Variants in SMIM14 observed in about 807,000 individuals in gnomAD.
The protein encoded by SMIM14 is small integral membrane protein 14, also known as chromosome 4 open reading frame 34.
In SMIM14, 5 loss-of-function variants were observed where a neutral mutation model predicts 12.6. The ratio of observed to expected loss-of-function variants is 0.40; its 90% confidence interval spans 0.21 to 0.83. SMIM14 has a LOEUF of 0.83. Among genes scored for constraint, SMIM14 ranks in the 40% least tolerant of loss-of-function variants. The pLI, the probability that SMIM14 is intolerant of heterozygous loss-of-function variation, is 0.37. For missense variants in SMIM14, 86 were observed against 119.1 expected (o/e 0.72, Z 1.29); for synonymous variants, 30 against 40.1 (o/e 0.75, Z 0.95).
At chr4:39,623,474 T>C (rs1007103780) in intron 1 of SMIM14, among the ~76,000 whole-genome samples, 1 of 152,240 alleles carries the variant, frequency 6.6e-6, no homozygotes, top group African/African-American at 2.4e-5. Flanking sequence ...TCTTTTATTG[T>C]GATTTTAAAG....
intron 2 of SMIM14, among the ~76,000 whole-genome samples, chr4:39,574,593 A>G (rs770219432): frequency 1.3e-5 from 2 of 152,126 alleles, no homozygotes; most frequent in Non-Finnish European, 2.9e-5. Context: ...TAACACCTCT[A>G]AGCTTCAGTT....
intron 2 of SMIM14, among the ~76,000 whole-genome samples, chr4:39,585,983 T>C (rs1482818807): frequency 6.6e-6 from 1 of 152,114 alleles, no homozygotes; most frequent in Non-Finnish European, 1.5e-5. Flanking sequence ...CTCTACGGTC[T>C]TGTCCTGTAA....
chr4:39,560,003 T>A (rs1578311401), intron 3 of SMIM14, among the ~76,000 whole-genome samples: 1 of 149,748 alleles, frequency 6.7e-6, no homozygotes, highest in South Asian at 2.1e-4. Flanking sequence ...GTGCCTGCGG[T>A]CCCAGCTACT....
chr4:39,606,427 G>A (rs965364358), intron 1 of SMIM14, among the ~76,000 whole-genome samples: 1 of 152,016 alleles, frequency 6.6e-6, no homozygotes, highest in East Asian at 1.9e-4. Context: ...TGGATCACAA[G>A]GTCAGGAGAT....
intron 2 of SMIM14, among the ~76,000 whole-genome samples, chr4:39,592,020 C>T (rs368233687): frequency 8.5e-4 from 123 of 145,012 alleles, no homozygotes; most frequent in African/African-American, 3.1e-3. Context: ...CAGTGAGACC[C>T]CATCTCTACA....
Position 39,572,441 on chromosome 4 carries a change from C to T in SMIM14, c.98G>A (p.Cys33Tyr), listed in dbSNP as rs748400883. The change falls in exon 3 of 5, where the codon TGC becomes TAC. Residue 33 changes from cysteine (C) to tyrosine (Y), a missense_variant. Cys to Tyr is a radical substitution (Grantham distance 194). Coordinates refer to ENST00000295958, the MANE Select transcript of SMIM14 (RefSeq NM_174921.3). The part of the protein sequence containing the change: ...INLLRQSQSY[C>Y]TDTECLQELP... ...TTCCTGAAGACACTCTGTGTCTGTGCAGTAGGACTGGGACTGCCGTAACTA... is the reference window on the plus strand; with the variant it reads ...TTCCTGAAGACACTCTGTGTCTGTGTAGTAGGACTGGGACTGCCGTAACTA... 6.2e-7 allele frequency: 1 copy of T among 1,611,356 alleles called. No homozygotes were observed. The highest frequency in any genetic ancestry group is 1.7e-5 in the Admixed American group (1 of 59,614).
intron 1 of SMIM14, among the ~76,000 whole-genome samples, chr4:39,638,000 T>C (rs1289876396): frequency 1.3e-5 from 2 of 152,134 alleles, no homozygotes; most frequent in African/African-American, 4.8e-5. Context: ...ACTGAAAACA[T>C]CCTACCGACT....
intron 1 of SMIM14, among the ~76,000 whole-genome samples, chr4:39,635,579 T>C (rs973060537): frequency 1.3e-5 from 2 of 152,084 alleles, no homozygotes; most frequent in African/African-American, 2.4e-5. Flanking sequence ...AAATTTAGAA[T>C]ACATATTGAA....
intron 4 of SMIM14, among the ~76,000 whole-genome samples, chr4:39,552,643 C>T (rs976418373): frequency 6.6e-6 from 1 of 152,166 alleles, no homozygotes; most frequent in Non-Finnish European, 1.5e-5. Flanking sequence ...ATCCTATAAC[C>T]CTAAGGGGAG....
chr4:39,615,728 G>A (rs1715199142), intron 1 of SMIM14, among the ~76,000 whole-genome samples: 1 of 152,088 alleles, frequency 6.6e-6, no homozygotes, highest in East Asian at 1.9e-4. Flanking sequence ...ACTGGATGTG[G>A]ATCAATGAAA....
At chr4:39,621,421 A>G (rs1358881654) in intron 1 of SMIM14, among the ~76,000 whole-genome samples, 1 of 152,180 alleles carries the variant, frequency 6.6e-6, no homozygotes, top group Non-Finnish European at 1.5e-5. Context: ...GTAAGATGGA[A>G]CCATTTATAC....
At chr4:39,637,803 C>T (rs2109263998) in intron 1 of SMIM14, among the ~76,000 whole-genome samples, 1 of 152,334 alleles carries the variant, frequency 6.6e-6, no homozygotes, top group Non-Finnish European at 1.5e-5. Flanking sequence ...AACACTCCAA[C>T]ACCTGGAAGG....
intron 1 of SMIM14, among the ~76,000 whole-genome samples, chr4:39,622,228 C>A (rs181887974): frequency 0.055 from 8,069 of 147,990 alleles, 271 homozygotes; most frequent in Middle Eastern, 0.099. Flanking sequence ...GGACTACAGG[C>A]ACCCGCCATC....
At chr4:39,591,322 C>A (rs1044740057) in intron 2 of SMIM14, among the ~76,000 whole-genome samples, 1 of 151,720 alleles carries the variant, frequency 6.6e-6, no homozygotes, top group African/African-American at 2.4e-5. Context: ...TGAGATAATA[C>A]CTCAATTTTT....
rs1711714451 is a variant in SMIM14, at chr4:39,551,606, A to C, written c.*520T>G. On this transcript the variant is annotated 3_prime_UTR_variant, in exon 5 of 5. Coordinates refer to ENST00000295958, the MANE Select transcript of SMIM14 (RefSeq NM_174921.3). ...CAATCCAAGAGCTACCACAGTCCCCAAAACTACAGAAAACTGCCATCCACA... is the reference window on the plus strand; with the variant it reads ...CAATCCAAGAGCTACCACAGTCCCCCAAACTACAGAAAACTGCCATCCACA... 6.5e-6 allele frequency: 1 copy of C among 152,722 alleles called. No individual in the cohort carries two copies. Among genetic ancestry groups the C allele is most frequent in the South Asian group, 2.1e-4 (1 of 4,834 alleles). 9.5% of individuals were successfully genotyped at this position (152,722 alleles called of 1,614,324 possible).
intron 2 of SMIM14, among the ~76,000 whole-genome samples, chr4:39,602,054 G>T (rs1445606040): frequency 1.3e-5 from 2 of 150,750 alleles, no homozygotes; most frequent in African/African-American, 4.9e-5. Flanking sequence ...TTCAAGACCA[G>T]CCTGGGCAAC....
At chr4:39,629,449 A>AT (rs10686216) in intron 1 of SMIM14, among the ~76,000 whole-genome samples, 4,737 of 129,912 alleles carry the variant, frequency 0.036, 304 homozygotes, top group African/African-American at 0.12. Context: ...CTTATAAATG[A>AT]TTTTTTTTTT....
At chr4:39,603,638 T>C (rs1030543280) in intron 2 of SMIM14, among the ~76,000 whole-genome samples, 1 of 152,142 alleles carries the variant, frequency 6.6e-6, no homozygotes, top group African/African-American at 2.4e-5. Flanking sequence ...ATAGACTCAC[T>C]ACAATCGACT....
At chr4:39,602,388 A>C (rs549727828) in intron 2 of SMIM14, among the ~76,000 whole-genome samples, 1 of 152,262 alleles carries the variant, frequency 6.6e-6, no homozygotes, top group East Asian at 1.9e-4. Flanking sequence ...TGAGGTCAGG[A>C]GTTCGAGACC....
Sources: gnomAD v4.1 joint callset for allele counts (sites outside exome capture counted in the v4.1 genomes callset) on GRCh38, gnomAD v4.1.1 for gene constraint, MANE v1.5 for transcripts, NCBI Gene and HGNC (gene_info 2026-07-23, HGNC 2026-07-21) for gene names.